The following PDE4D variants were observed in gnomAD, a reference collection of about 807,000 sequenced individuals.
The protein encoded by PDE4D is phosphodiesterase 4D, also known as 3',5'-cyclic-AMP phosphodiesterase 4D.
PDE4D carries 24 observed loss-of-function variants against 87.4 expected under a neutral mutation model. The ratio of observed to expected loss-of-function variants is 0.27; its 90% confidence interval spans 0.20 to 0.39. The LOEUF (loss-of-function observed/expected upper bound fraction) is 0.39. Among genes scored for constraint, PDE4D ranks in the 10% least tolerant of loss-of-function variants. The pLI is 1.00. For missense variants in PDE4D, 714 were observed against 1,041.0 expected (o/e 0.69, Z 4.32); for synonymous variants, 384 against 383.2 (o/e 1.00, Z -0.02).
At chr5:60,244,446 A>C (rs934673379) in intron 1 of PDE4D, among the ~76,000 whole-genome samples, 2 of 151,930 alleles carry the variant, frequency 1.3e-5, no homozygotes, top group African/African-American at 4.8e-5. Flanking sequence ...ATAGAAAAAA[A>C]ATCCTAAAAT....
chr5:59,742,877 T>C (rs1031198065), intron 1 of PDE4D, among the ~76,000 whole-genome samples: 9 of 152,236 alleles, frequency 5.9e-5, no homozygotes, highest in African/African-American at 2.2e-4. Context: ...AGTTAATATT[T>C]ATTTTGAAAG....
intron 1 of PDE4D, among the ~76,000 whole-genome samples, chr5:59,578,961 C>G (rs1312608887): frequency 1.3e-5 from 2 of 152,010 alleles, no homozygotes; most frequent in Non-Finnish European, 2.9e-5. Flanking sequence ...TCTTCTCCTC[C>G]TCCTTCGTTC....
chr5:59,665,052 C>T (rs1745848736), intron 1 of PDE4D, among the ~76,000 whole-genome samples: 2 of 152,116 alleles, frequency 1.3e-5, no homozygotes, highest in Non-Finnish European at 2.9e-5. Flanking sequence ...TGACATGTCC[C>T]CCTGAAATTT....
intron 1 of PDE4D, among the ~76,000 whole-genome samples, chr5:59,546,885 C>A (rs1422781674): frequency 6.6e-6 from 1 of 152,116 alleles, no homozygotes; most frequent in Non-Finnish European, 1.5e-5. Flanking sequence ...AATTAATAAT[C>A]TGAACTGGGT....
At chr5:59,223,741 A>G (rs757134891) in intron 1 of PDE4D, among the ~76,000 whole-genome samples, 31 of 152,136 alleles carry the variant, frequency 2.0e-4, no homozygotes, top group Non-Finnish European at 4.0e-4. Flanking sequence ...CTGATTATCT[A>G]TGGAGATGAG....
At chr5:59,740,884 A>G (rs867667615) in intron 1 of PDE4D, among the ~76,000 whole-genome samples, 1 of 152,174 alleles carries the variant, frequency 6.6e-6, no homozygotes, top group African/African-American at 2.4e-5. Flanking sequence ...TTTACAGTAA[A>G]TTTATCTATT....
intron 6 of PDE4D, among the ~76,000 whole-genome samples, chr5:59,029,416 CAAA>C (rs34120574): frequency 1.1e-5 from 1 of 87,036 alleles, no homozygotes; most frequent in African/African-American, 4.8e-5. Context: ...GACTCCATCA[CAAA>C]AAAAAAAAAA....
chr5:59,611,472 T>G lies in PDE4D; in HGVS notation c.455+281696A>C, dbSNP rs1238341241. The stretch of plus-strand genomic sequence containing the variant: ...CTCATGTTCTCTCCCCTAGCACCCT[T>G]GTATTTCCCCTTGTAACACTCATCA... On this transcript the variant is annotated intron_variant, in intron 1 of 14. Coordinates refer to ENST00000340635, the MANE Select transcript of PDE4D (RefSeq NM_001104631.2). Among the ~76,000 whole-genome samples, 3 of 152,086 alleles carry G rather than the reference T, an allele frequency of 2.0e-5. No homozygotes were observed. The East Asian group carries it at 5.8e-4, about 29-fold the overall frequency.
intron 5 of PDE4D, among the ~76,000 whole-genome samples, chr5:59,107,526 G>A (rs1013300765): frequency 6.6e-6 from 1 of 152,232 alleles, no homozygotes. Context: ...TTATTTCCAG[G>A]ATGAGATAAT....
At chr5:59,696,177 G>A (rs1359049773) in intron 1 of PDE4D, among the ~76,000 whole-genome samples, 2 of 152,072 alleles carry the variant, frequency 1.3e-5, no homozygotes, top group African/African-American at 4.8e-5. Context: ...AGAAGGTAGG[G>A]GCATCTGGGA....
intron 1 of PDE4D, among the ~76,000 whole-genome samples, chr5:59,251,517 CA>C (rs777762436): frequency 1.3e-5 from 2 of 151,964 alleles, no homozygotes; most frequent in East Asian, 1.9e-4. Flanking sequence ...ATTAAAAAGA[CA>C]AAAAATAACA....
intron 1 of PDE4D, among the ~76,000 whole-genome samples, chr5:59,427,129 A>G (rs554263476): frequency 6.6e-6 from 1 of 151,738 alleles, no homozygotes; most frequent in Non-Finnish European, 1.5e-5. Context: ...TGGTAATGAC[A>G]AAATGCATGA....
intron 5 of PDE4D, among the ~76,000 whole-genome samples, chr5:59,153,090 C>T (rs1213325990): frequency 1.3e-5 from 2 of 151,998 alleles, no homozygotes; most frequent in African/African-American, 4.8e-5. Flanking sequence ...CAACAAAAAT[C>T]CCCCACCACC....
intron 3 of PDE4D, among the ~76,000 whole-genome samples, chr5:59,189,249 TTTTG>T (rs1561663531): frequency 1.8e-4 from 19 of 103,648 alleles, no homozygotes; most frequent in African/African-American, 7.4e-4. Context: ...TTTTTGTTTT[TTTTG>T]TTTTTTTTTT....
chr5:59,611,775 T>C (rs1055205668), intron 1 of PDE4D, among the ~76,000 whole-genome samples: 1 of 152,224 alleles, frequency 6.6e-6, no homozygotes, highest in Non-Finnish European at 1.5e-5. Context: ...TAGAATGAAC[T>C]GTGGCCCAGT....
At chr5:59,203,280 C>T (rs1403294195) in intron 2 of PDE4D, among the ~76,000 whole-genome samples, 4 of 151,598 alleles carry the variant, frequency 2.6e-5, no homozygotes, top group African/African-American at 9.7e-5. Context: ...AAATTAAAAC[C>T]ATGATGAGAT....
At chr5:59,385,051 C>A (rs965418802) in intron 1 of PDE4D, among the ~76,000 whole-genome samples, 1 of 152,094 alleles carries the variant, frequency 6.6e-6, no homozygotes, top group Non-Finnish European at 1.5e-5. Flanking sequence ...ATCTGCCACC[C>A]CTCTCAGATG....
chr5:59,332,352 T>C (rs1044243630), intron 1 of PDE4D, among the ~76,000 whole-genome samples: 6 of 152,190 alleles, frequency 3.9e-5, no homozygotes, highest in Non-Finnish European at 7.4e-5. Flanking sequence ...AGAAACACTG[T>C]TATTTTTATC....
intron 5 of PDE4D, among the ~76,000 whole-genome samples, chr5:59,073,128 G>C (rs1026910708): frequency 6.6e-6 from 1 of 152,222 alleles, no homozygotes; most frequent in Non-Finnish European, 1.5e-5. Context: ...CAGTTGGTAA[G>C]TATGAAGCAT....
Sources: gnomAD v4.1 joint callset for allele counts (sites outside exome capture counted in the v4.1 genomes callset) on GRCh38, gnomAD v4.1.1 for gene constraint, MANE v1.5 for transcripts, NCBI Gene and HGNC (gene_info 2026-07-23, HGNC 2026-07-21) for gene names.